Variants in C6 observed in about 807,000 individuals in gnomAD.
C6 encodes complement component C6.
Under a neutral mutation model 112.9 loss-of-function variants are expected in C6, and 101 were observed. The observed-to-expected ratio is 0.89, with a 90% confidence interval of 0.76 to 1.06. The LOEUF is 1.06. Among genes scored for constraint, C6 ranks in the 50% least tolerant of loss-of-function variants. C6 has a pLI of 0.00. For synonymous variants in C6, 431 were observed against 384.1 expected, an observed-to-expected ratio of 1.12 and a Z score of -1.43; for missense variants, 1,202 against 1,104.6, an observed-to-expected ratio of 1.09 and a Z score of -1.25.
chr5:41,195,751 G>A (rs975244865), intron 5 of C6, 41 bp downstream of exon 5: 42 of 1,603,652 alleles, frequency 2.6e-5, no homozygotes, highest in Non-Finnish European at 3.3e-5. Context: ...CATTTGTTCT[G>A]ATACCTGTTC....
At chr5:41,251,595 T>G (rs1741367048) in intron 1 of C6, among the ~76,000 whole-genome samples, 1 of 152,200 alleles carries the variant, frequency 6.6e-6, no homozygotes, top group African/African-American at 2.4e-5. Flanking sequence ...AGGACCTAGG[T>G]CTTCGAATTT....
intron 7 of C6, 80 bp from the exon 8 acceptor site, chr5:41,176,795 A>T: frequency 7.7e-7 from 1 of 1,293,010 alleles, no homozygotes; most frequent in Non-Finnish European, 1.1e-6. Context: ...TCATTGATTT[A>T]TCATTAGTTT....
chr5:41,218,452 C>T (rs745438985), upstream of C6, among the ~76,000 whole-genome samples: 6 of 152,054 alleles, frequency 3.9e-5, no homozygotes, highest in Non-Finnish European at 7.4e-5. Flanking sequence ...AGAGAGAAAA[C>T]AAAATAAATA....
chr5:41,159,996 C>T (rs1229995124), intron 11 of C6, 146 bp downstream of exon 11: 1 of 699,914 alleles, frequency 1.4e-6, no homozygotes, highest in African/African-American at 1.8e-5. Flanking sequence ...AGCTGAGACT[C>T]ACACTTTTTG....
intron 1 of C6, among the ~76,000 whole-genome samples, chr5:41,209,477 A>G (rs559797063): frequency 9.2e-5 from 14 of 152,314 alleles, no homozygotes; most frequent in African/African-American, 3.4e-4. Context: ...AAATCTCATC[A>G]TCTCAGTCCA....
chr5:41,184,404 CTGTG>C (rs1749603467), intron 6 of C6, among the ~76,000 whole-genome samples: 2 of 152,156 alleles, frequency 1.3e-5, no homozygotes, highest in African/African-American at 4.8e-5. Flanking sequence ...CCTTATTTTT[CTGTG>C]CCATTTATTT....
At chr5:41,224,824 A>C (rs1739389189) in intron 1 of C6, among the ~76,000 whole-genome samples, 1 of 152,124 alleles carries the variant, frequency 6.6e-6, no homozygotes, top group Non-Finnish European at 1.5e-5. Context: ...AGGAACTGTC[A>C]AATTATTTTC....
chr5:41,173,116 C>A (rs540395836), intron 8 of C6, among the ~76,000 whole-genome samples: 3 of 152,300 alleles, frequency 2.0e-5, no homozygotes, highest in South Asian at 4.1e-4. Flanking sequence ...CATTCTCACC[C>A]CATTCATGTA....
intron 1 of C6, among the ~76,000 whole-genome samples, chr5:41,249,017 G>A (rs1316590228): frequency 6.6e-6 from 1 of 152,110 alleles, no homozygotes; most frequent in African/African-American, 2.4e-5. Flanking sequence ...CATAGATACA[G>A]CTAGAGGTCA....
At position 41,172,340 on chromosome 5, in the gene C6, G is replaced by C. The variant is rs199976299; in HGVS notation, c.1176C>G (p.Thr392=). ...TGACACAGTGTTTGGCTTCTTCCTC[G>C]GTTAAACCTAGGAGATGAAGTACAA... is the stretch of plus-strand genomic sequence containing the variant. ...SSEELKNSGL[T]EEEAKHCVRI... Residue 392 remains threonine, a synonymous_variant, in exon 9 of 18, where the codon ACC becomes ACG. Coordinates refer to ENST00000337836, the MANE Select transcript of C6 (RefSeq NM_000065.5). 1.9e-6 allele frequency: 3 copies of C among 1,613,370 alleles called. No individual in the cohort carries two copies. Among genetic ancestry groups the C allele is most frequent in the East Asian group, 2.2e-5 (1 of 44,800 alleles).
At chr5:41,184,883 A>G (rs1466501798) in intron 6 of C6, among the ~76,000 whole-genome samples, 3 of 152,174 alleles carry the variant, frequency 2.0e-5, no homozygotes, top group African/African-American at 7.2e-5. Context: ...TGAAGACTCT[A>G]AGGTATCATA....
intron 11 of C6, 51 bp from the exon 12 acceptor site, chr5:41,159,304 G>T: frequency 6.3e-7 from 1 of 1,594,938 alleles, no homozygotes; most frequent in Non-Finnish European, 8.6e-7. Flanking sequence ...GCTGAATTTG[G>T]GTTTGGAAGT....
Position 41,201,549 on chromosome 5 carries a change from G to T in C6, c.300+9C>A, listed in dbSNP as rs879246692. 6.2e-7 allele frequency: 1 copy of T among 1,613,188 alleles called. No homozygotes were observed. The highest frequency in any genetic ancestry group is 1.3e-5 in the African/African-American group (1 of 74,830). On this transcript the variant is annotated intron_variant, in intron 3 of 17. Transcript: ENST00000337836. ...TTCATATTTCCTGGAAATGCCCATGGTTGCCTACCTGTTTTTCAATACAAG... is the reference window on the plus strand; with the variant it reads ...TTCATATTTCCTGGAAATGCCCATGTTTGCCTACCTGTTTTTCAATACAAG...
intron 17 of C6, among the ~76,000 whole-genome samples, chr5:41,148,752 C>T (rs1746088652): frequency 6.6e-6 from 1 of 152,128 alleles, no homozygotes; most frequent in South Asian, 2.1e-4. Flanking sequence ...CTCAGGGTGT[C>T]CTGCCTGAAT....
chr5:41,185,631 C>G, intron 6 of C6, among the ~76,000 whole-genome samples: 2 of 152,186 alleles, frequency 1.3e-5, no homozygotes, highest in Middle Eastern at 6.8e-3. Context: ...TCTCATTAGA[C>G]TGACTCATCA....
intron 13 of C6, among the ~76,000 whole-genome samples, chr5:41,156,976 T>C (rs1239696610): frequency 6.6e-6 from 1 of 152,176 alleles, no homozygotes; most frequent in Non-Finnish European, 1.5e-5. Flanking sequence ...GTTGGACTTG[T>C]CTGTTACTCA....
intron 12 of C6, 39 bp from the exon 13 acceptor site, chr5:41,158,824 T>G (rs372345589): frequency 4.3e-5 from 51 of 1,179,588 alleles, no homozygotes; most frequent in Non-Finnish European, 5.9e-5. Flanking sequence ...TATGTATGTA[T>G]GTACACACAT....
At chr5:41,201,434 G>A (rs1751022293) in intron 3 of C6, 124 bp downstream of exon 3, 4 of 959,572 alleles carry the variant, frequency 4.2e-6, no homozygotes, top group Non-Finnish European at 6.5e-6. Flanking sequence ...TCCCTCAATG[G>A]AAGCTGAGAC....
upstream of C6, among the ~76,000 whole-genome samples, chr5:41,214,422 G>A (rs113297098): frequency 2.3e-3 from 350 of 152,260 alleles, 3 homozygotes; most frequent in African/African-American, 7.8e-3. Context: ...AGGTCACATA[G>A]TTTAATATAC....
Sources: gnomAD v4.1 joint callset for allele counts (sites outside exome capture counted in the v4.1 genomes callset) on GRCh38, gnomAD v4.1.1 for gene constraint, MANE v1.5 for transcripts, NCBI Gene and HGNC (gene_info 2026-07-23, HGNC 2026-07-21) for gene names.